MGST1: variants seen among roughly 807,000 people sequenced by gnomAD.
MGST1 encodes the protein glutathione S-transferase 12.
Under a neutral mutation model 8.9 loss-of-function variants are expected in MGST1, and 5 were observed. The ratio of observed to expected loss-of-function variants is 0.56; its 90% CI spans 0.29 to 1.19. The LOEUF (loss-of-function observed/expected upper bound fraction) is 1.19. Ranked by LOEUF, MGST1 falls within the 50% of genes most tolerant of loss-of-function variation. MGST1 has a pLI of 0.08. For synonymous variants in MGST1, 54 were observed against 67.8 expected (o/e 0.80, Z 1.00); for missense variants, 182 against 187.4 (o/e 0.97, Z 0.17).
chr12:16,407,420 C>T (rs187615909), intron 1 of MGST1, among the ~76,000 whole-genome samples: 9 of 152,124 alleles, frequency 5.9e-5, no homozygotes, highest in African/African-American at 1.9e-4. Context: ...TAACAGATGC[C>T]GGCAAGGTTG....
downstream of MGST1, among the ~76,000 whole-genome samples, chr12:16,441,189 G>A (rs1941036175): frequency 6.6e-6 from 1 of 151,598 alleles, no homozygotes; most frequent in Admixed American, 6.6e-5. Context: ...ATTTTTTAGA[G>A]CAGTTTTAGA....
At chr12:16,382,274 T>A (rs1940463881), upstream of MGST1, among the ~76,000 whole-genome samples, 2 of 152,186 alleles carry the variant, frequency 1.3e-5, no homozygotes, top group South Asian at 4.1e-4. Flanking sequence ...TGGTTTTATC[T>A]ACCTTTGGTC....
In MGST1 at chr12:16,454,902, A is replaced by AAAAAAAAAAAAAAAAAAAAAAAAAG. The variant is rs1555104768; in HGVS notation, n.482+71300_482+71301insAAAAAAAAAAAAAAAAAAAAAAGAA. Among the ~76,000 whole-genome samples the AAAAAAAAAAAAAAAAAAAAAAAAAG allele has an allele frequency of 6.3e-5, 8 of 125,996 alleles. 1 individual carries two copies. The highest frequency in any genetic ancestry group is 2.6e-4 in the African/African-American group (8 of 30,900). The allele number at this position is 125,996 out of a possible 152,430, so 82.7% of individuals were successfully genotyped here. On this transcript the variant is annotated intron_variant and non_coding_transcript_variant, in intron 4 of 4. Coordinates refer to the MGST1 transcript ENST00000538857. ...AAAAAAAAAAAAAAAAAAAAAAAAAAAAGGAGATGGGAAGATTTGAGGAGA... is the reference window on the plus strand; with the variant it reads ...AAAAAAAAAAAAAAAAAAAAAAAAAAAAAAAAAAAAAAAAAAAAAAAAAAGAAGGAGATGGGAAGATTTGAGGAGA...
At chr12:16,387,119 A>G (rs953853426) in intron 1 of MGST1, among the ~76,000 whole-genome samples, 1 of 152,228 alleles carries the variant, frequency 6.6e-6, no homozygotes, top group African/African-American at 2.4e-5. Context: ...AAACTTTACA[A>G]ACTTTATAAT....
At chr12:16,364,464 G>A, downstream of MGST1, 1 of 920,206 alleles carries the variant, frequency 1.1e-6, no homozygotes, top group Non-Finnish European at 1.3e-6. The surrounding 1 kb of genome is among the most constrained non-coding windows in gnomAD (Gnocchi z 5.7). Context: ...TTCAAACCTA[G>A]GGTAAAGTTG....
chr12:16,560,499 C>T lies in MGST1; in HGVS notation n.483-29029C>T. ...TCACCATCTCAAAGGCAGGGATGAG[C>T]TTACTACAGGCAGCGCAGTTTCCCG... On this transcript the variant is annotated intron_variant and non_coding_transcript_variant, in intron 4 of 4. Transcript: ENST00000538857. The surrounding 1 kb of genome is among the most constrained non-coding windows in gnomAD (Gnocchi z 5.0). 1 of 1,613,796 alleles carries T rather than the reference C, an allele frequency of 6.2e-7. No individual in the cohort carries two copies. Among genetic ancestry groups the T allele is most frequent in the Non-Finnish European group, 8.5e-7 (1 of 1,179,850 alleles).
At chr12:16,460,609 T>C (rs1454476247) in intron 4 of MGST1, among the ~76,000 whole-genome samples, 1 of 151,916 alleles carries the variant, frequency 6.6e-6, no homozygotes, top group Non-Finnish European at 1.5e-5. Flanking sequence ...TTTTTTTTTT[T>C]TTTTGAAAAA....
chr12:16,455,714 G>A (rs531045164), intron 4 of MGST1, among the ~76,000 whole-genome samples: 3 of 151,768 alleles, frequency 2.0e-5, no homozygotes, highest in African/African-American at 4.8e-5. Context: ...GGTTCATCAC[G>A]TGTTGAATTT....
At chr12:16,520,037 A>C (rs905995828) in intron 4 of MGST1, among the ~76,000 whole-genome samples, 1 of 152,182 alleles carries the variant, frequency 6.6e-6, no homozygotes, top group Admixed American at 6.5e-5. Flanking sequence ...TAAGAGGTCT[A>C]TTTCACCCAT....
rs1940730673 is a variant in MGST1 at position 16,410,152 on chromosome 12, G to A, written n.778+26548G>A. Among the ~76,000 whole-genome samples the A allele has an allele frequency of 6.6e-6, 1 of 151,910 alleles. No homozygotes were observed. Among genetic ancestry groups the A allele is most frequent in the Admixed American group, 6.6e-5 (1 of 15,234 alleles). ...TTGTCAGGTTCAGCAAATGTCACAGGGTCAAAGTGGTTATAGTGCTATGCT... is the reference window on the plus strand; with the variant it reads ...TTGTCAGGTTCAGCAAATGTCACAGAGTCAAAGTGGTTATAGTGCTATGCT... On this transcript the variant is annotated intron_variant and non_coding_transcript_variant, in intron 1 of 1. Coordinates refer to the MGST1 transcript ENST00000359720. This position sits in a 1 kb window ranked among gnomAD's most constrained non-coding sequence, Gnocchi z 4.4.
At chr12:16,400,026 A>G in intron 1 of MGST1, 1 of 1,566,256 alleles carries the variant, frequency 6.4e-7, no homozygotes, top group Non-Finnish European at 8.8e-7. Context: ...CCAAGTCCCT[A>G]AAAGGCACTT....
rs1422652583 is a variant in MGST1, at chr12:16,363,483, A to C, written c.222-312A>C. 3 of 165,230 alleles carry C rather than the reference A, an allele frequency of 1.8e-5. No homozygotes were observed. The East Asian group carries it at 5.1e-4, about 28-fold the overall frequency. 10.2% of individuals were successfully genotyped at this position (165,230 alleles called of 1,614,324 possible). A position where few individuals can be genotyped will look rare whatever the true frequency, so the allele number is the denominator to read the frequency against. ...TAATTGTTATGAACCTCATAAGAAA[A>C]AAGTATTTTTATTTACAAAAATGAA... is the stretch of plus-strand genomic sequence containing the variant. On this transcript the variant is annotated intron_variant, in intron 3 of 3. Coordinates refer to ENST00000396210, the MANE Select transcript of MGST1 (RefSeq NM_020300.5). The surrounding 1 kb of genome is among the most constrained non-coding windows in gnomAD (Gnocchi z 4.6).
At chr12:16,402,485 T>C in intron 1 of MGST1, 4 of 1,462,694 alleles carry the variant, frequency 2.7e-6, no homozygotes, top group East Asian at 4.6e-5. Flanking sequence ...TGCCACCTGC[T>C]CTCGGCCCAG....
chr12:16,485,475 T>A (rs1941394050), intron 4 of MGST1, among the ~76,000 whole-genome samples: 1 of 152,228 alleles, frequency 6.6e-6, no homozygotes, highest in African/African-American at 2.4e-5. Flanking sequence ...CATATTGGGA[T>A]GTGAACTATG....
chr12:16,583,736 C>G (rs1943236300), intron 4 of MGST1, among the ~76,000 whole-genome samples: 1 of 152,098 alleles, frequency 6.6e-6, no homozygotes, highest in African/African-American at 2.4e-5. Context: ...GTAGCATACC[C>G]ATGGCAATTT....
At chr12:16,590,620 A>G (rs1943463055), downstream of MGST1, among the ~76,000 whole-genome samples, 1 of 152,010 alleles carries the variant, frequency 6.6e-6, no homozygotes, top group African/African-American at 2.4e-5. Flanking sequence ...AAAAATCGGT[A>G]TCATTGTGAT....
intron 1 of MGST1, among the ~76,000 whole-genome samples, chr12:16,409,482 G>A (rs1269324056): frequency 2.0e-5 from 3 of 152,140 alleles, no homozygotes; most frequent in African/African-American, 7.2e-5. Context: ...TACCATAGGA[G>A]AGGATCGCTG....
chr12:16,456,676 A>C (rs1022193216), intron 4 of MGST1, among the ~76,000 whole-genome samples: 1 of 151,916 alleles, frequency 6.6e-6, no homozygotes, highest in Non-Finnish European at 1.5e-5. Context: ...AGTATTATAA[A>C]TTAACACACA....
rs1284044712 is a variant in MGST1 at position 16,546,144 on chromosome 12, T to C, written n.483-43384T>C. On this transcript the variant is annotated intron_variant and non_coding_transcript_variant, in intron 4 of 4. Transcript: ENST00000538857. This position sits in a 1 kb window ranked among gnomAD's most constrained non-coding sequence, Gnocchi z 4.7. ...TTGTTTGGTAAATATTCGCTATTATTACTAAAAGTTATTGAAGATGGGTCA... is the reference window on the plus strand; with the variant it reads ...TTGTTTGGTAAATATTCGCTATTATCACTAAAAGTTATTGAAGATGGGTCA... Among the ~76,000 whole-genome samples the C allele has an allele frequency of 6.6e-6, 1 of 152,132 alleles. No individual in the cohort carries two copies. The highest frequency in any genetic ancestry group is 1.5e-5 in the Non-Finnish European group (1 of 67,990).
Sources: gnomAD v4.1 joint callset for allele counts (sites outside exome capture counted in the v4.1 genomes callset) on GRCh38, gnomAD v4.1.1 for gene constraint, Gnocchi (gnomAD v3.1) non-coding constraint, MANE v1.5 for transcripts, NCBI Gene and HGNC (gene_info 2026-07-23, HGNC 2026-07-21) for gene names.